The following ZNF804B variants were observed in gnomAD, a reference collection of about 807,000 sequenced individuals.
The protein encoded by ZNF804B is zinc finger 804B.
A neutral mutation model predicts 101.4 loss-of-function variants in ZNF804B; 80 were observed. That is an observed-to-expected ratio of 0.79 (90% CI 0.66 to 0.95). The LOEUF (loss-of-function observed/expected upper bound fraction) is 0.95, where lower values mean the gene tolerates loss of function less well. Among genes scored for constraint, ZNF804B ranks in the 40% least tolerant of loss-of-function variants. The probability of loss-of-function intolerance (pLI) is 0.00; values close to 1 mark genes in which losing one functional copy is unlikely to be tolerated. For missense variants in ZNF804B, 1,673 were observed against 1,561.9 expected, an observed-to-expected ratio of 1.07 and a Z score of -1.20; for synonymous variants, 622 against 558.8, an observed-to-expected ratio of 1.11 and a Z score of -1.59.
At chr7:89,050,128 G>A (rs754095302) in intron 1 of ZNF804B, among the ~76,000 whole-genome samples, 4 of 152,120 alleles carry the variant, frequency 2.6e-5, no homozygotes, top group East Asian at 1.9e-4. Context: ...AAGTACTAAC[G>A]CTTTCTATTT....
At chr7:88,865,103 C>T (rs1791706725) in intron 1 of ZNF804B, among the ~76,000 whole-genome samples, 1 of 151,814 alleles carries the variant, frequency 6.6e-6, no homozygotes, top group African/African-American at 2.4e-5. Flanking sequence ...TGACCCATGC[C>T]TGTAATCCCA....
chr7:89,220,349 C>T (rs1038055703), intron 2 of ZNF804B, among the ~76,000 whole-genome samples: 5 of 151,512 alleles, frequency 3.3e-5, no homozygotes, highest in African/African-American at 1.2e-4. Context: ...ACAATGACCT[C>T]AGAATATGTT....
intron 2 of ZNF804B, among the ~76,000 whole-genome samples, chr7:89,302,612 A>G (rs1341752562): frequency 6.6e-6 from 1 of 151,926 alleles, no homozygotes. Context: ...AATAATTTCA[A>G]TTCATAGCTT....
chr7:88,828,771 C>G (rs1791085698), intron 1 of ZNF804B, among the ~76,000 whole-genome samples: 1 of 152,004 alleles, frequency 6.6e-6, no homozygotes, highest in African/African-American at 2.4e-5. Flanking sequence ...GTATATTGTT[C>G]ATTCTGACAT....
chr7:88,840,028 G>A (rs1235757836), intron 1 of ZNF804B, among the ~76,000 whole-genome samples: 2 of 152,084 alleles, frequency 1.3e-5, no homozygotes, highest in Non-Finnish European at 2.9e-5. Flanking sequence ...TCTTGTGTTA[G>A]CCCCTTCATG....
intron 2 of ZNF804B, among the ~76,000 whole-genome samples, chr7:89,238,775 ATG>A (rs1789320181): frequency 1.3e-5 from 2 of 152,172 alleles, no homozygotes; most frequent in Non-Finnish European, 2.9e-5. Context: ...GGAACTAGTG[ATG>A]TTGATCAAAG....
intron 1 of ZNF804B, among the ~76,000 whole-genome samples, chr7:88,977,811 A>T (rs902123385): frequency 1.3e-5 from 2 of 151,092 alleles, no homozygotes; most frequent in African/African-American, 4.9e-5. Context: ...GTTCTTTAAG[A>T]TGCATCATTA....
chr7:88,775,284 C>T (rs1790124950), intron 1 of ZNF804B, among the ~76,000 whole-genome samples: 1 of 152,120 alleles, frequency 6.6e-6, no homozygotes, highest in Non-Finnish European at 1.5e-5. Flanking sequence ...TGGCATAGAG[C>T]TCTGAGTCAG....
chr7:89,041,220 C>T (rs1789012867), intron 1 of ZNF804B, among the ~76,000 whole-genome samples: 1 of 152,134 alleles, frequency 6.6e-6, no homozygotes, highest in African/African-American at 2.4e-5. Context: ...GAAACTGGAT[C>T]CAAGGAAACA....
chr7:89,198,623 A>T (rs924779875), intron 1 of ZNF804B, among the ~76,000 whole-genome samples: 1 of 152,022 alleles, frequency 6.6e-6, no homozygotes, highest in Admixed American at 6.6e-5. Flanking sequence ...AGAGTGATTA[A>T]ACATTATTTA....
At chr7:88,995,629 A>G (rs1788177946) in intron 1 of ZNF804B, among the ~76,000 whole-genome samples, 1 of 151,890 alleles carries the variant, frequency 6.6e-6, no homozygotes. Flanking sequence ...GACTTATGTT[A>G]TAGAACATAA....
chr7:89,303,709 G>T (rs1403771187), intron 2 of ZNF804B, among the ~76,000 whole-genome samples: 2 of 151,812 alleles, frequency 1.3e-5, no homozygotes, highest in Non-Finnish European at 2.9e-5. Flanking sequence ...TGGGCTATTG[G>T]TGGTATTTCA....
intron 1 of ZNF804B, among the ~76,000 whole-genome samples, chr7:88,963,074 T>A (rs1361296481): frequency 6.6e-6 from 1 of 151,108 alleles, no homozygotes; most frequent in Non-Finnish European, 1.5e-5. Context: ...GAAGACTTAA[T>A]ATTATGAAGA....
At chr7:88,996,682 T>C (rs1041097063) in intron 1 of ZNF804B, among the ~76,000 whole-genome samples, 3 of 152,162 alleles carry the variant, frequency 2.0e-5, no homozygotes, top group African/African-American at 7.2e-5. Context: ...TGCTGTTTAC[T>C]TTAAAGCTAT....
intron 1 of ZNF804B, among the ~76,000 whole-genome samples, chr7:88,764,630 C>T (rs1310399542): frequency 6.6e-6 from 1 of 152,118 alleles, no homozygotes; most frequent in Non-Finnish European, 1.5e-5. Context: ...TACATCCATC[C>T]ATCCAGAGAA....
chr7:88,937,593 G>T (rs984733500), intron 1 of ZNF804B, among the ~76,000 whole-genome samples: 2 of 151,736 alleles, frequency 1.3e-5, no homozygotes, highest in African/African-American at 4.8e-5. Context: ...ATAGAGTCGG[G>T]GTAACTGATG....
intron 2 of ZNF804B, among the ~76,000 whole-genome samples, chr7:89,266,424 A>T (rs2115826586): frequency 6.6e-6 from 1 of 152,270 alleles, no homozygotes; most frequent in East Asian, 1.9e-4. Flanking sequence ...CATTGACTAT[A>T]AATAAATATA....
At chr7:89,243,952 T>G (rs1256725968) in intron 2 of ZNF804B, among the ~76,000 whole-genome samples, 1 of 151,966 alleles carries the variant, frequency 6.6e-6, no homozygotes, top group Non-Finnish European at 1.5e-5. Flanking sequence ...AATTGGAAAG[T>G]GTTTGCATTT....
intron 2 of ZNF804B, among the ~76,000 whole-genome samples, chr7:89,265,275 T>TGA: frequency 1.0e-5 from 1 of 96,234 alleles, no homozygotes; most frequent in Middle Eastern, 5.6e-3. Flanking sequence ...AGTGTGTGTG[T>TGA]GTGTGTGTGT....
Sources: allele counts gnomAD v4.1 joint callset (sites outside exome capture counted in the v4.1 genomes callset), GRCh38; gene constraint gnomAD v4.1.1; transcripts MANE v1.5; gene names NCBI Gene and HGNC (gene_info 2026-07-23, HGNC 2026-07-21).